The following RTN4 variants were observed in gnomAD, a reference collection of about 807,000 sequenced individuals.
RTN4 encodes reticulon-4.
RTN4 carries 32 observed loss-of-function variants against 90.4 expected under a neutral mutation model. That is an observed-to-expected ratio of 0.35 (90% confidence interval 0.27 to 0.48). The LOEUF (loss-of-function observed/expected upper bound fraction) is 0.48, where lower values mean the gene tolerates loss of function less well. Ranked by LOEUF, RTN4 falls within the 20% of genes least tolerant of loss-of-function variation. The probability of loss-of-function intolerance (pLI) is 0.99; values close to 1 mark genes in which losing one functional copy is unlikely to be tolerated. For missense variants in RTN4, 1,706 were observed against 1,430.2 expected (o/e 1.19, Z -3.11); for synonymous variants, 629 against 552.5 (o/e 1.14, Z -1.94).
At chr2:54,973,425 A>T in intron 8 of RTN4, 138 bp downstream of exon 8, 1 of 791,148 alleles carries the variant, frequency 1.3e-6, no homozygotes, top group Non-Finnish European at 2.1e-6. Flanking sequence ...TTAGAAAAAC[A>T]ATCTTTTGGC....
chr2:54,990,636 T>C (rs1486410830), intron 3 of RTN4, among the ~76,000 whole-genome samples: 1 of 152,234 alleles, frequency 6.6e-6, no homozygotes, highest in Non-Finnish European at 1.5e-5. Flanking sequence ...GTTAATAAAC[T>C]ATACTGTTGT....
chr2:55,098,638 G>T (rs1667795511), intron 1 of RTN4, among the ~76,000 whole-genome samples: 1 of 151,982 alleles, frequency 6.6e-6, no homozygotes, highest in African/African-American at 2.4e-5. Context: ...TTGTTCAAAT[G>T]ACCAATTTTC....
At chr2:55,113,187 C>G (rs1000599858), upstream of RTN4, among the ~76,000 whole-genome samples, 2 of 152,198 alleles carry the variant, frequency 1.3e-5, no homozygotes, top group East Asian at 3.9e-4. Context: ...CCAAAAGAAG[C>G]CCTCTCCTTT....
chr2:55,037,846 A>G (rs767037145), intron 1 of RTN4, among the ~76,000 whole-genome samples: 1 of 152,196 alleles, frequency 6.6e-6, no homozygotes, highest in Non-Finnish European at 1.5e-5. Flanking sequence ...ACACAAAACA[A>G]TTTTGAAAAA....
chr2:55,021,319 C>A (rs1043107503), intron 3 of RTN4, among the ~76,000 whole-genome samples: 1 of 152,114 alleles, frequency 6.6e-6, no homozygotes, highest in Admixed American at 6.5e-5. Flanking sequence ...ATGTCCTCAA[C>A]AGTGTGTCTG....
intron 1 of RTN4, among the ~76,000 whole-genome samples, chr2:55,036,735 C>G (rs1211135240): frequency 6.6e-6 from 1 of 151,774 alleles, no homozygotes; most frequent in Non-Finnish European, 1.5e-5. Context: ...AAAAACTTAT[C>G]TGACAAATTT....
At chr2:55,029,052 C>T (rs146402533) in intron 1 of RTN4, among the ~76,000 whole-genome samples, 13 of 152,236 alleles carry the variant, frequency 8.5e-5, no homozygotes, top group Admixed American at 8.5e-4. Flanking sequence ...GGGTTAAATG[C>T]AGTCAGGGTG....
chr2:55,046,032 A>G (rs566463849), intron 1 of RTN4, among the ~76,000 whole-genome samples: 1 of 152,360 alleles, frequency 6.6e-6, no homozygotes, highest in South Asian at 2.1e-4. Context: ...TCTGGGCACA[A>G]CAGCAAACAG....
intron 1 of RTN4, among the ~76,000 whole-genome samples, chr2:55,081,401 C>G (rs369745539): frequency 6.6e-6 from 1 of 152,050 alleles, no homozygotes; most frequent in East Asian, 1.9e-4. Context: ...AGCTACTACA[C>G]ACCAGAAAAT....
chr2:55,011,452 C>G (rs574770480), intron 3 of RTN4, among the ~76,000 whole-genome samples: 2 of 152,278 alleles, frequency 1.3e-5, no homozygotes, highest in African/African-American at 4.8e-5. Flanking sequence ...ATCAATTCAC[C>G]TGATACTTAT....
At chr2:55,081,759 A>T (rs1558872146) in intron 1 of RTN4, among the ~76,000 whole-genome samples, 1 of 150,126 alleles carries the variant, frequency 6.7e-6, no homozygotes, top group Non-Finnish European at 1.5e-5. Context: ...GCTACTCAGG[A>T]GGCTGAGGCT....
At chr2:55,093,028 G>T (rs1354853108) in intron 1 of RTN4, among the ~76,000 whole-genome samples, 1 of 152,226 alleles carries the variant, frequency 6.6e-6, no homozygotes. Context: ...ACCATTGTGT[G>T]TGTGTCTATG....
the RTN4 span, among the ~76,000 whole-genome samples, chr2:55,137,000 G>T: frequency 6.6e-6 from 1 of 152,196 alleles, no homozygotes; most frequent in African/African-American, 2.4e-5. Flanking sequence ...TCCTGCGGAG[G>T]AGAGAGACGC....
intron 3 of RTN4, among the ~76,000 whole-genome samples, chr2:54,990,791 A>G (rs1018968461): frequency 3.0e-4 from 46 of 151,360 alleles, no homozygotes; most frequent in African/African-American, 9.5e-4. Context: ...TTTTTCTTTT[A>G]CTTTTTTTTT....
At chr2:55,102,275 G>T (rs576479319) in intron 1 of RTN4, among the ~76,000 whole-genome samples, 1 of 152,128 alleles carries the variant, frequency 6.6e-6, no homozygotes, top group African/African-American at 2.4e-5. Context: ...ATCCCTTGAA[G>T]ATGGTATATA....
intron 1 of RTN4, chr2:55,049,043 C>T (rs1667940233): frequency 1.1e-6 from 1 of 946,136 alleles, no homozygotes; most frequent in African/African-American, 1.8e-5. Context: ...CAGTCCACAT[C>T]ACACCCCGGG....
chr2:55,093,222 T>TA (rs1373271627), intron 1 of RTN4, among the ~76,000 whole-genome samples: 1 of 152,150 alleles, frequency 6.6e-6, no homozygotes, highest in Non-Finnish European at 1.5e-5. Flanking sequence ...CTCTTAGTAA[T>TA]ACCTGTAAGT....
chr2:54,999,679 C>T (rs1474333290), intron 3 of RTN4, among the ~76,000 whole-genome samples: 2 of 152,024 alleles, frequency 1.3e-5, no homozygotes, highest in East Asian at 3.9e-4. Flanking sequence ...TTTTCACAAC[C>T]ATGTTTATAA....
At chr2:54,978,923 G>A (rs76885098) in intron 5 of RTN4, among the ~76,000 whole-genome samples, 9,333 of 152,042 alleles carry the variant, frequency 0.061, 529 homozygotes, top group African/African-American at 0.14. Flanking sequence ...AAAAAAGAAT[G>A]GGAATTGGAA....
Sources: allele counts gnomAD v4.1 joint callset (sites outside exome capture counted in the v4.1 genomes callset), GRCh38; gene constraint gnomAD v4.1.1; transcripts MANE v1.5; gene names NCBI Gene and HGNC (gene_info 2026-07-23, HGNC 2026-07-21).